The following POLR2B variants were observed in gnomAD, a reference collection of about 807,000 sequenced individuals.
POLR2B encodes the protein RNA polymerase II subunit B, also known as DNA-directed RNA polymerase II subunit RPB2.
A neutral mutation model predicts 144.6 loss-of-function variants in POLR2B; 57 were observed. The observed-to-expected ratio is 0.39, with a 90% CI of 0.32 to 0.49. POLR2B has a LOEUF of 0.49. Among genes scored for constraint, POLR2B ranks in the 20% least tolerant of loss-of-function variants. POLR2B has a pLI of 0.83. For synonymous variants in POLR2B, 442 were observed against 469.8 expected (o/e 0.94, Z 0.77); for missense variants, 595 against 1,467.4 (o/e 0.41, Z 9.71).
At chr4:56,997,333 A>C (rs754439339) in intron 6 of POLR2B, among the ~76,000 whole-genome samples, 7 of 150,724 alleles carry the variant, frequency 4.6e-5, no homozygotes, top group Non-Finnish European at 1.0e-4. Flanking sequence ...ATCTGGGCTC[A>C]CTGCAACCAC....
intron 7 of POLR2B, among the ~76,000 whole-genome samples, chr4:57,004,340 T>C (rs967476396): frequency 3.5e-4 from 45 of 128,072 alleles, no homozygotes; most frequent in Non-Finnish European, 4.2e-4. Flanking sequence ...TGAGCCTCCA[T>C]TCCCAGCAAA....
chr4:57,001,036 CTATT>C (rs1722835344), intron 7 of POLR2B, among the ~76,000 whole-genome samples: 1 of 152,280 alleles, frequency 6.6e-6, no homozygotes, highest in Middle Eastern at 3.4e-3. Context: ...ATATTGAAAA[CTATT>C]AAGTAATAAG....
At position 57,017,746 on chromosome 4, in the gene POLR2B, C is replaced by G; in HGVS notation, c.2323+18C>G. ...GCCAGCAGGTATGGTCAGTTTTGCT[C>G]TACGTTATTTAAGATCCTTCTGTGC... is the stretch of plus-strand genomic sequence containing the variant. On this transcript the variant is annotated intron_variant, in intron 16 of 24. Coordinates refer to ENST00000314595, the MANE Select transcript of POLR2B (RefSeq NM_000938.3). This position sits in a 1 kb window ranked among gnomAD's most constrained non-coding sequence, Gnocchi z 4.8. 1 of 1,600,636 alleles carries G rather than the reference C, an allele frequency of 6.2e-7. No individual in the cohort carries two copies.
At chr4:57,010,232 G>A in intron 10 of POLR2B, 129 bp from the exon 11 acceptor site, 1 of 814,150 alleles carries the variant, frequency 1.2e-6, no homozygotes, top group Admixed American at 2.6e-5. Context: ...CATTATTCAG[G>A]GAAAGAATAG....
rs1250618293 is a variant in POLR2B at position 57,021,008 on chromosome 4, T to C, written c.2420+13T>C. 1 of 1,438,058 alleles carries C rather than the reference T, an allele frequency of 7.0e-7. No homozygotes were observed. Among genetic ancestry groups the C allele is most frequent in the Admixed American group, 1.7e-5 (1 of 59,250 alleles). The allele number at this position is 1,438,058 out of a possible 1,614,324, so 89.1% of individuals were successfully genotyped here. ...GCGGCTTCTTCAGGTTAGTATTTTGTAAATTTGTCAAAACACAGATACAGT... is the reference window on the plus strand; with the variant it reads ...GCGGCTTCTTCAGGTTAGTATTTTGCAAATTTGTCAAAACACAGATACAGT... On this transcript the variant is annotated intron_variant, in intron 17 of 24. Transcript: ENST00000314595.
At position 57,023,452 on chromosome 4, in the gene POLR2B, T is replaced by C. The variant is rs752443343; in HGVS notation, c.2638T>C (p.Leu880=). The C allele has an allele frequency of 2.5e-6, 4 of 1,614,086 alleles. No homozygotes were observed. The South Asian group carries it at 3.3e-5, about 13-fold the overall frequency. ...CACCTTGCCTGAAAATGAAGATGAA[T>C]TGGAGAGCACCAATAGACGCTATAC... ...TVTLPENEDE[L]ESTNRRYTKR... Residue 880 remains leucine, a synonymous_variant, in exon 19 of 25, where the codon TTG becomes CTG. Coordinates refer to ENST00000314595, the MANE Select transcript of POLR2B (RefSeq NM_000938.3). The surrounding 1 kb of genome is among the most constrained non-coding windows in gnomAD (Gnocchi z 4.3).
chr4:57,025,757 G>C (rs1723696564), intron 23 of POLR2B, among the ~76,000 whole-genome samples: 1 of 152,016 alleles, frequency 6.6e-6, no homozygotes, highest in Non-Finnish European at 1.5e-5. Flanking sequence ...CTGTCACCCA[G>C]GCTGGAGTGC....
chr4:56,990,920 C>G (rs747851601), intron 3 of POLR2B, 22 bp downstream of exon 3: 1 of 1,596,112 alleles, frequency 6.3e-7, no homozygotes, highest in South Asian at 1.1e-5. Context: ...CTAATAGTTA[C>G]ACAGGTACAA....
chr4:57,015,544 T>C lies in POLR2B; in HGVS notation c.1843T>C (p.Tyr615His). Residue 615 changes from tyrosine to histidine, a missense_variant, in exon 14 of 25, where the codon TAT (tyrosine) becomes CAT (histidine). This residue lies in a region of POLR2B where 59 missense variants were observed against 84.2 expected (regional missense o/e 0.70). Transcript: ENST00000314595. ...TATTCGAGAGAGGGAGATTCGGATC[T>C]ATACGGATGCAGGCCGTATTTGTAG... ...RDIREREIRI[Y>H]TDAGRICRPL... 6.8e-7 allele frequency: 1 copy of C among 1,463,494 alleles called. No homozygotes were observed. Among genetic ancestry groups the C allele is most frequent in the Non-Finnish European group, 9.2e-7 (1 of 1,092,330 alleles). The allele number at this position is 1,463,494 out of a possible 1,614,324, so 90.7% of individuals were successfully genotyped here. A position where few individuals can be genotyped will look rare whatever the true frequency, so the allele number is the denominator to read the frequency against.
At chr4:57,025,991 CT>C (rs1298511592) in intron 23 of POLR2B, among the ~76,000 whole-genome samples, 1 of 151,920 alleles carries the variant, frequency 6.6e-6, no homozygotes, top group African/African-American at 2.4e-5. Context: ...AATCCCAGCA[CT>C]TTGGGAGGCC....
At chr4:57,015,745 TTTTTATTTAA>T (rs1723346098) in intron 14 of POLR2B, 89 bp downstream of exon 14, 1 of 446,746 alleles carries the variant, frequency 2.2e-6, no homozygotes, top group African/African-American at 2.1e-5. Flanking sequence ...ATTTTTTATA[TTTTTATTTAA>T]TTTTATTTAT....
At position 57,023,758 on chromosome 4, in the gene POLR2B, A is replaced by G; in HGVS notation, c.2856+7A>G. The G allele has an allele frequency of 2.0e-6, 3 of 1,527,650 alleles. No individual in the cohort carries two copies. Among genetic ancestry groups the G allele is most frequent in the South Asian group, 1.2e-5 (1 of 84,632 alleles). 94.6% of individuals were successfully genotyped at this position (1,527,650 alleles called of 1,614,324 possible). A position where few individuals can be genotyped will look rare whatever the true frequency, so the allele number is the denominator to read the frequency against. ...TATTCAGTATAGACAAGAGGTAGGT[A>G]TCTTTGATCTCCCTCATGCCCAAAC... is the stretch of plus-strand genomic sequence containing the variant. On this transcript the variant is annotated splice_region_variant and intron_variant, in intron 20 of 24. Coordinates refer to ENST00000314595, the MANE Select transcript of POLR2B (RefSeq NM_000938.3). The surrounding 1 kb of genome is among the most constrained non-coding windows in gnomAD (Gnocchi z 4.3).
chr4:57,025,034 G>GT (rs41554513), intron 22 of POLR2B, 35 bp downstream of exon 22: 1,139 of 944,168 alleles, frequency 1.2e-3, no homozygotes, highest in African/African-American at 2.4e-3. Flanking sequence ...TTTGCCACTT[G>GT]TTTTTTTTTG....
Position 57,017,354 on chromosome 4 carries a change from A to G in POLR2B, c.2154+113A>G. 2.4e-6 allele frequency: 2 copies of G among 834,758 alleles called. No homozygotes were observed. The highest frequency in any genetic ancestry group is 3.9e-6 in the Non-Finnish European group (2 of 515,932). 51.7% of individuals were successfully genotyped at this position (834,758 alleles called of 1,614,324 possible). A position where few individuals can be genotyped will look rare whatever the true frequency, so the allele number is the denominator to read the frequency against. On this transcript the variant is annotated intron_variant, in intron 15 of 24. Transcript: ENST00000314595. The surrounding 1 kb of genome is among the most constrained non-coding windows in gnomAD (Gnocchi z 4.8). ...AAAGCCTTTTAATGAAAAGGCTATTAACTCCTACGGAATCAGTATTTGATA... is the reference window on the plus strand; with the variant it reads ...AAAGCCTTTTAATGAAAAGGCTATTGACTCCTACGGAATCAGTATTTGATA...
intron 2 of POLR2B, among the ~76,000 whole-genome samples, chr4:56,987,623 A>G (rs1366948637): frequency 1.3e-5 from 2 of 152,176 alleles, no homozygotes; most frequent in Non-Finnish European, 2.9e-5. Flanking sequence ...TGATTTGCCT[A>G]TAATCCCAGC....
intron 1 of POLR2B, among the ~76,000 whole-genome samples, chr4:56,980,724 TC>T (rs1338625940): frequency 6.6e-6 from 1 of 152,050 alleles, no homozygotes; most frequent in Admixed American, 6.6e-5. Flanking sequence ...CACGTCTCCT[TC>T]TTACCCACCA....
intron 6 of POLR2B, among the ~76,000 whole-genome samples, chr4:56,995,679 C>T (rs771863154): frequency 3.9e-5 from 6 of 152,174 alleles, no homozygotes; most frequent in African/African-American, 7.2e-5. Flanking sequence ...CCTGGGCTGC[C>T]GTAATCTCAA....
rs182752722 is a variant in POLR2B, at chr4:56,998,342, C to T, written c.736-1275C>T. Among the ~76,000 whole-genome samples, 310 of 151,836 alleles carry T rather than the reference C, an allele frequency of 2.0e-3. 2 individuals carry two copies. Among genetic ancestry groups the T allele is most frequent in the South Asian group, 0.017 (81 of 4,812 alleles). On this transcript the variant is annotated intron_variant, in intron 6 of 24. Coordinates refer to ENST00000314595, the MANE Select transcript of POLR2B (RefSeq NM_000938.3). ...CCTCCTGAGTAGCTGGGATTACAGG[C>T]GTGTGCCACCATGCCCAGCTAATTT... is the stretch of plus-strand genomic sequence containing the variant.
chr4:57,005,775 T>C, intron 9 of POLR2B, 56 bp downstream of exon 9: 1 of 1,536,578 alleles, frequency 6.5e-7, no homozygotes, highest in Non-Finnish European at 8.9e-7. Context: ...CACTTTAGAT[T>C]GATCATTGCA....
Sources: allele counts gnomAD v4.1 joint callset (sites outside exome capture counted in the v4.1 genomes callset), GRCh38; gene constraint gnomAD v4.1.1; regional missense constraint gnomAD v4.1.1; non-coding constraint Gnocchi (gnomAD v3.1); transcripts MANE v1.5; gene names NCBI Gene and HGNC (gene_info 2026-07-23, HGNC 2026-07-21).